LAMC3: variants seen among roughly 807,000 people sequenced by gnomAD.
LAMC3 encodes the protein laminin subunit gamma-3.
LAMC3 carries 128 observed loss-of-function variants against 173.8 expected under a neutral mutation model. That is an observed-to-expected ratio of 0.74 (90% CI 0.64 to 0.85). LAMC3 has a LOEUF of 0.85. Among genes scored for constraint, LAMC3 ranks in the 40% least tolerant of loss-of-function variants. The pLI is 0.00. For missense variants in LAMC3, 2,022 were observed against 2,156.0 expected, an observed-to-expected ratio of 0.94 and a Z score of 1.23; for synonymous variants, 897 against 909.1, an observed-to-expected ratio of 0.99 and a Z score of 0.24.
chr9:131,044,222 C>T (rs116939484), intron 7 of LAMC3, among the ~76,000 whole-genome samples: 4,817 of 151,208 alleles, frequency 0.032, 123 homozygotes, highest in East Asian at 0.063. Flanking sequence ...TCCCAAAGTG[C>T]GTGAGCCGGC....
intron 6 of LAMC3, among the ~76,000 whole-genome samples, chr9:131,041,121 C>A (rs1024687460): frequency 6.6e-6 from 1 of 152,110 alleles, no homozygotes; most frequent in Non-Finnish European, 1.5e-5. Context: ...AATCCTGGCA[C>A]TTTGGGAGGC....
At position 131,009,177 on chromosome 9, in the gene LAMC3, CG is replaced by C; in HGVS notation, c.-34del. 1.7e-6 allele frequency: 2 copies of C among 1,170,536 alleles called. No individual in the cohort carries two copies. The highest frequency in any genetic ancestry group is 4.1e-5 in the East Asian group (1 of 24,476). 72.5% of individuals were successfully genotyped at this position (1,170,536 alleles called of 1,614,324 possible). ...GCGGTCCGCGCCCACCCTAGCCGAGCGGGGCCGGCAGAGCGCGCGGCGTCGG... is the reference window on the plus strand; with the variant it reads ...GCGGTCCGCGCCCACCCTAGCCGAGCGGGCCGGCAGAGCGCGCGGCGTCGG... On this transcript the variant is annotated 5_prime_UTR_variant, in exon 1 of 28. Coordinates refer to ENST00000361069, the MANE Select transcript of LAMC3 (RefSeq NM_006059.4). This position sits in a 1 kb window ranked among gnomAD's most constrained non-coding sequence, Gnocchi z 4.3.
In LAMC3 at chr9:131,094,392, G is replaced by A. The variant is rs1830470370; in HGVS notation, c.*2605G>A. ...AACCTAATGGGAGATGGTGTTCAGA[G>A]AAGAGGTGTGCTCCTCCACAGAAAA... is the stretch of plus-strand genomic sequence containing the variant. On this transcript the variant is annotated 3_prime_UTR_variant, in exon 28 of 28. Transcript: ENST00000361069. 6.6e-6 allele frequency: 1 copy of A among 152,270 alleles called. No individual in the cohort carries two copies. Among genetic ancestry groups the A allele is most frequent in the Non-Finnish European group, 1.5e-5 (1 of 68,096 alleles). The allele number at this position is 152,270 out of a possible 1,614,324, so 9.4% of individuals were successfully genotyped here.
rs1385556655 is a variant in LAMC3 at position 131,094,083 on chromosome 9, G to C, written c.*2296G>C. On this transcript the variant is annotated 3_prime_UTR_variant, in exon 28 of 28. Transcript: ENST00000361069. The stretch of plus-strand genomic sequence containing the variant: ...CCTGCATTGGCCTCTTAAAGTTCTG[G>C]GATTTCAGGCATGAGCCACTGCAAC... 6.6e-6 allele frequency: 1 copy of C among 152,238 alleles called. No individual in the cohort carries two copies. The highest frequency in any genetic ancestry group is 1.5e-5 in the Non-Finnish European group (1 of 68,072). 9.4% of individuals were successfully genotyped at this position (152,238 alleles called of 1,614,324 possible). A position where few individuals can be genotyped will look rare whatever the true frequency, so the allele number is the denominator to read the frequency against.
chr9:131,052,347 G>A lies in LAMC3; in HGVS notation c.1631-144G>A, dbSNP rs1275275256. ...GAGGTGTGGGTGGGCCCCCTGCAGGGTCTGCTGTGCAGGAAGCTTTTGATT... is the reference window on the plus strand; with the variant it reads ...GAGGTGTGGGTGGGCCCCCTGCAGGATCTGCTGTGCAGGAAGCTTTTGATT... On this transcript the variant is annotated intron_variant, in intron 9 of 27. Coordinates refer to ENST00000361069, the MANE Select transcript of LAMC3 (RefSeq NM_006059.4). 7 of 751,896 alleles carry A rather than the reference G, an allele frequency of 9.3e-6. No individual in the cohort carries two copies. The East Asian group carries it at 1.8e-4, about 19-fold the overall frequency. The allele number at this position is 751,896 out of a possible 1,614,324, so 46.6% of individuals were successfully genotyped here. A position where few individuals can be genotyped will look rare whatever the true frequency, so the allele number is the denominator to read the frequency against.
chr9:131,045,802 G>A, intron 8 of LAMC3, 142 bp downstream of exon 8: 1 of 1,084,514 alleles, frequency 9.2e-7, no homozygotes, highest in East Asian at 2.5e-5. Flanking sequence ...TGGGGTCGGG[G>A]GTGAGATGAT....
At chr9:131,068,721 C>T (rs1194001076) in intron 15 of LAMC3, among the ~76,000 whole-genome samples, 187 bp from the exon 16 acceptor site, 1 of 152,152 alleles carries the variant, frequency 6.6e-6, no homozygotes, top group Non-Finnish European at 1.5e-5. Context: ...TTCTTTTCTC[C>T]CTGAGCATCC....
chr9:131,023,833 C>T (rs1833672381), intron 1 of LAMC3, among the ~76,000 whole-genome samples: 1 of 152,070 alleles, frequency 6.6e-6, no homozygotes, highest in South Asian at 2.1e-4. Context: ...TGAACTCCTG[C>T]GCTCAAGCAA....
At position 131,091,600 on chromosome 9, in the gene LAMC3, G is replaced by A. The variant is rs148214465; in HGVS notation, c.4541G>A (p.Arg1514His). 163 of 1,592,644 alleles carry A rather than the reference G, an allele frequency of 1.0e-4. No homozygotes were observed. The highest frequency in any genetic ancestry group is 3.9e-4 in the African/African-American group (29 of 74,834). The change falls in exon 28 of 28, where the codon CGC (arginine) becomes CAC (histidine). Residue 1514 changes from arginine to histidine, a missense_variant. Coordinates refer to ENST00000361069, the MANE Select transcript of LAMC3 (RefSeq NM_006059.4). The part of the protein sequence containing the change: ...ALNETQWALE[R>H]LRLQLGSPGS... Reference sequence around the variant, plus strand: ...AACGAGACTCAGTGGGCACTAGAACGCCTGAGGCTGCAGCTGGGCTCCCCG... The same window carrying A: ...AACGAGACTCAGTGGGCACTAGAACACCTGAGGCTGCAGCTGGGCTCCCCG...
intron 1 of LAMC3, among the ~76,000 whole-genome samples, chr9:131,022,856 G>T (rs1833652169): frequency 6.6e-6 from 1 of 152,284 alleles, no homozygotes; most frequent in East Asian, 1.9e-4. Context: ...GGGATGACAG[G>T]TGTGAGCCAC....
Position 131,091,840 on chromosome 9 carries a change from A to C in LAMC3, c.*53A>C. On this transcript the variant is annotated 3_prime_UTR_variant, in exon 28 of 28. Transcript: ENST00000361069. ...CCCCCACCTGCTGTTTACATGACCC[A>C]GGGGGTGCACACTACCCCACAGGTG... is the stretch of plus-strand genomic sequence containing the variant. 6.2e-7 allele frequency: 1 copy of C among 1,601,982 alleles called. No homozygotes were observed. The highest frequency in any genetic ancestry group is 8.5e-7 in the Non-Finnish European group (1 of 1,177,626).
At position 131,026,334 on chromosome 9, in the gene LAMC3, C is replaced by T; in HGVS notation, c.423C>T (p.Arg141=). ...TYVRLKFHTS[R]PESFAIYKRS... is the part of the protein sequence containing the mutation. ...TGAGGCTGAAGTTCCACACCAGTCGCCCTGAGAGCTTTGCCATCTACAAGC... is the reference window on the plus strand; with the variant it reads ...TGAGGCTGAAGTTCCACACCAGTCGTCCTGAGAGCTTTGCCATCTACAAGC... Residue 141 remains arginine (R), a synonymous_variant, in exon 2 of 28, where the codon CGC becomes CGT. Transcript: ENST00000361069. The surrounding 1 kb of genome is among the most constrained non-coding windows in gnomAD (Gnocchi z 4.8). 2 of 1,614,186 alleles carry T rather than the reference C, an allele frequency of 1.2e-6. No individual in the cohort carries two copies. Among genetic ancestry groups the T allele is most frequent in the South Asian group, 1.1e-5 (1 of 91,082 alleles).
intron 1 of LAMC3, among the ~76,000 whole-genome samples, chr9:131,017,887 G>C (rs1013614539): frequency 6.6e-6 from 1 of 151,662 alleles, no homozygotes; most frequent in Non-Finnish European, 1.5e-5. Context: ...TTAGCCAGGT[G>C]TGGTGGCGTG....
intron 3 of LAMC3, among the ~76,000 whole-genome samples, chr9:131,035,161 GCTGGT>G (rs1260707480): frequency 1.3e-5 from 2 of 152,114 alleles, no homozygotes; most frequent in Admixed American, 6.6e-5. Flanking sequence ...TGTTGGTCAG[GCTGGT>G]CTCCAACTCC....
At chr9:131,079,428 C>A in intron 23 of LAMC3, 130 bp downstream of exon 23, 2 of 1,079,224 alleles carry the variant, frequency 1.9e-6, no homozygotes, top group Non-Finnish European at 2.7e-6. Context: ...GGTGTAGTGG[C>A]TCACACCTGT....
chr9:131,071,642 G>A lies in LAMC3; in HGVS notation c.3211+17G>A, dbSNP rs769896976. The A allele has an allele frequency of 1.9e-6, 3 of 1,541,198 alleles. No homozygotes were observed. Among genetic ancestry groups the A allele is most frequent in the East Asian group, 2.3e-5 (1 of 43,946 alleles). On this transcript the variant is annotated intron_variant, in intron 18 of 27. Coordinates refer to ENST00000361069, the MANE Select transcript of LAMC3 (RefSeq NM_006059.4). ...TGCTTCCAGGTACAGCAGGAGCGCA[G>A]AGCGGGAGGGTGGGAGGCAAGGGGA...
intron 1 of LAMC3, among the ~76,000 whole-genome samples, chr9:131,021,752 A>T (rs1833629160): frequency 1.3e-5 from 2 of 152,220 alleles, no homozygotes; most frequent in Non-Finnish European, 2.9e-5. Flanking sequence ...CTGACAGATT[A>T]GCTTCAAGTT....
chr9:131,030,126 G>A (rs1396201371), intron 2 of LAMC3, among the ~76,000 whole-genome samples: 1 of 152,096 alleles, frequency 6.6e-6, no homozygotes, highest in Non-Finnish European at 1.5e-5. Context: ...TTTTAGTAGA[G>A]ATGGGGTTTT....
intron 12 of LAMC3, among the ~76,000 whole-genome samples, chr9:131,059,153 G>A (rs746287150): frequency 6.9e-4 from 104 of 151,618 alleles, no homozygotes; most frequent in Non-Finnish European, 6.5e-4. Context: ...CCGGGATCGC[G>A]CCGCTGCACT....
Sources: gnomAD v4.1 joint callset for allele counts (sites outside exome capture counted in the v4.1 genomes callset) on GRCh38, gnomAD v4.1.1 for gene constraint, Gnocchi (gnomAD v3.1) non-coding constraint, MANE v1.5 for transcripts, NCBI Gene and HGNC (gene_info 2026-07-23, HGNC 2026-07-21) for gene names.